FBXW8: variants seen among roughly 807,000 people sequenced by gnomAD.
The protein encoded by FBXW8 is F-box and WD repeat domain containing 8, also known as F-box/WD repeat-containing protein 8.
In FBXW8, 57 loss-of-function variants were observed where a neutral mutation model predicts 65.3. The observed-to-expected ratio is 0.87, with a 90% CI of 0.71 to 1.09. The LOEUF is 1.09. FBXW8 is among the 50% of genes least tolerant of loss of function. The pLI is 0.00. For synonymous variants in FBXW8, 308 were observed against 330.2 expected (o/e 0.93, Z 0.73); for missense variants, 777 against 814.8 (o/e 0.95, Z 0.57).
chr12:116,950,773 T>G (rs758035146), intron 4 of FBXW8: 3 of 152,200 alleles, frequency 2.0e-5, no homozygotes, highest in Non-Finnish European at 4.4e-5. Context: ...ATGGTCCAGA[T>G]ACTTGCGATT....
chr12:116,979,579 G>T (rs1885165052), intron 5 of FBXW8: 1 of 152,184 alleles, frequency 6.6e-6, no homozygotes, highest in Admixed American at 6.5e-5. Flanking sequence ...TCTTTTGTCT[G>T]CATCCTTTTC....
At chr12:116,911,867 A>C (rs576160946) in intron 1 of FBXW8, among the ~76,000 whole-genome samples, 9 of 152,188 alleles carry the variant, frequency 5.9e-5, no homozygotes, top group Non-Finnish European at 1.0e-4. Context: ...GCACGTATTC[A>C]AAAAAATTAT....
intron 5 of FBXW8, among the ~76,000 whole-genome samples, chr12:116,968,959 ATCTCT>A (rs1274462520): frequency 1.3e-5 from 2 of 148,532 alleles, no homozygotes; most frequent in Non-Finnish European, 3.0e-5. Flanking sequence ...TTTTTCCAGC[ATCTCT>A]TCTCGGAGAG....
intron 2 of FBXW8, 151 bp from the exon 3 acceptor site, chr12:116,945,213 A>AT (rs1008321905): frequency 1.6e-3 from 996 of 604,326 alleles, no homozygotes; most frequent in South Asian, 2.6e-3. Flanking sequence ...ATTTGCTTGT[A>AT]TTTTTTTTTC....
intron 4 of FBXW8, chr12:116,950,370 G>C (rs753753872): frequency 6.6e-6 from 1 of 152,220 alleles, no homozygotes; most frequent in African/African-American, 2.4e-5. Context: ...TACAGCCTCA[G>C]ACTGTATACT....
intron 1 of FBXW8, among the ~76,000 whole-genome samples, chr12:116,913,765 A>G (rs1880186820): frequency 6.6e-6 from 1 of 152,158 alleles, no homozygotes; most frequent in African/African-American, 2.4e-5. Flanking sequence ...ATGTTGTTCA[A>G]GGGTCTGTAG....
intron 2 of FBXW8, among the ~76,000 whole-genome samples, chr12:116,940,196 G>A (rs570072092): frequency 6.6e-6 from 1 of 152,248 alleles, no homozygotes; most frequent in South Asian, 2.1e-4. Flanking sequence ...AGCCTGGGGG[G>A]TGGGCTCCAG....
intron 9 of FBXW8, among the ~76,000 whole-genome samples, chr12:117,025,246 A>ATCTC (rs1954196133): frequency 2.0e-5 from 3 of 152,178 alleles, no homozygotes; most frequent in Non-Finnish European, 2.9e-5. Flanking sequence ...TACTCAGGAG[A>ATCTC]CTGAGGAGCT....
chr12:116,964,690 C>T lies in FBXW8; in HGVS notation c.678-7C>T, dbSNP rs1884202892. 1 of 1,613,650 alleles carries T rather than the reference C, an allele frequency of 6.2e-7. No homozygotes were observed. The highest frequency in any genetic ancestry group is 8.5e-7 in the Non-Finnish European group (1 of 1,179,956). On this transcript the variant is annotated splice_region_variant and splice_polypyrimidine_tract_variant and intron_variant, in intron 4 of 10. Transcript: ENST00000652555. ...CTTTTGGAACCAAGTGTGTCGTTCTCTTCCAGATATACATCAGGGGATGTG... is the reference window on the plus strand; with the variant it reads ...CTTTTGGAACCAAGTGTGTCGTTCTTTTCCAGATATACATCAGGGGATGTG...
chr12:117,012,600 G>A (rs560325776), intron 8 of FBXW8, among the ~76,000 whole-genome samples: 1 of 152,156 alleles, frequency 6.6e-6, no homozygotes, highest in African/African-American at 2.4e-5. Flanking sequence ...TTTTTCCCCG[G>A]AGGTTTAATA....
chr12:116,957,557 C>G (rs1883728470), intron 4 of FBXW8, among the ~76,000 whole-genome samples: 1 of 152,176 alleles, frequency 6.6e-6, no homozygotes, highest in Non-Finnish European at 1.5e-5. Context: ...TACTTTGAGA[C>G]TGTTGAGATA....
At position 116,936,518 on chromosome 12, in the gene FBXW8, G is replaced by A. The variant is rs4766814; in HGVS notation, c.423+8391G>A. Reference sequence around the variant, plus strand: ...AAGTCTTGTAAGAGGGAGGCAGGACGTCAGGGAGGAGAGAAGATGCTGTGT... The same window carrying A: ...AAGTCTTGTAAGAGGGAGGCAGGACATCAGGGAGGAGAGAAGATGCTGTGT... On this transcript the variant is annotated intron_variant, in intron 2 of 10. Transcript: ENST00000652555. This position sits in a 1 kb window ranked among gnomAD's most constrained non-coding sequence, Gnocchi z 4.6. 0.69 allele frequency among the ~76,000 whole-genome samples: 105,111 copies of A among 152,032 alleles called. 40,569 individuals are homozygous for A. The highest frequency in any genetic ancestry group is 0.85 in the Non-Finnish European group (57,632 of 67,990).
intron 8 of FBXW8, among the ~76,000 whole-genome samples, chr12:117,013,592 T>C (rs1953876615): frequency 6.6e-6 from 1 of 152,180 alleles, no homozygotes; most frequent in South Asian, 2.1e-4. Flanking sequence ...CAGTATATTT[T>C]CTATTTATTC....
intron 7 of FBXW8, among the ~76,000 whole-genome samples, chr12:117,004,161 C>T (rs950531657): frequency 2.6e-5 from 4 of 152,172 alleles, no homozygotes; most frequent in Non-Finnish European, 2.9e-5. Flanking sequence ...GTTTCTCTCT[C>T]GGACTTATTT....
intron 1 of FBXW8, among the ~76,000 whole-genome samples, chr12:116,924,437 T>G (rs1160704643): frequency 6.6e-6 from 1 of 152,242 alleles, no homozygotes; most frequent in East Asian, 1.9e-4. Context: ...ACATTCAAAA[T>G]CTGTTCTTCT....
chr12:116,957,564 G>A (rs946558691), intron 4 of FBXW8, among the ~76,000 whole-genome samples: 1 of 152,176 alleles, frequency 6.6e-6, no homozygotes, highest in Non-Finnish European at 1.5e-5. Flanking sequence ...AGACTGTTGA[G>A]ATAACAGATG....
At chr12:117,015,160 G>GT in intron 8 of FBXW8, among the ~76,000 whole-genome samples, 1 of 152,258 alleles carries the variant, frequency 6.6e-6, no homozygotes, top group South Asian at 2.1e-4. Flanking sequence ...CCACCACACA[G>GT]TTCTGCATGT....
intron 7 of FBXW8, among the ~76,000 whole-genome samples, chr12:117,003,711 T>C (rs950051709): frequency 6.6e-6 from 1 of 152,206 alleles, no homozygotes; most frequent in Admixed American, 6.5e-5. Flanking sequence ...TTGCTAGTCT[T>C]TTACAGTTCT....
In FBXW8 at chr12:116,988,573, G is replaced by A. The variant is rs180929965; in HGVS notation, c.1033-90G>A. 297 of 1,131,410 alleles carry A rather than the reference G, an allele frequency of 2.6e-4. 1 individual carries two copies. The East Asian group carries it at 5.9e-3, about 22-fold the overall frequency. 70.1% of individuals were successfully genotyped at this position (1,131,410 alleles called of 1,614,324 possible). ...GCCCATCTTTTTCTGTTGGGTTGCT[G>A]GTCTTCTCATTGATGTGTAGGTGGA... On this transcript the variant is annotated intron_variant, in intron 6 of 10. Transcript: ENST00000652555.
Sources: gnomAD v4.1 joint callset for allele counts (sites outside exome capture counted in the v4.1 genomes callset) on GRCh38, gnomAD v4.1.1 for gene constraint, Gnocchi (gnomAD v3.1) non-coding constraint, MANE v1.5 for transcripts, NCBI Gene and HGNC (gene_info 2026-07-23, HGNC 2026-07-21) for gene names.